The following MTBP variants were observed in gnomAD, a reference collection of about 807,000 sequenced individuals.
The protein encoded by MTBP is mdm2-binding protein.
In MTBP, 101 loss-of-function variants were observed where a neutral mutation model predicts 117.0. The observed-to-expected ratio is 0.86, with a 90% CI of 0.73 to 1.02. The LOEUF is 1.02. MTBP is among the 50% of genes least tolerant of loss of function. The pLI is 0.00. For synonymous variants in MTBP, 350 were observed against 351.5 expected (o/e 1.00, Z 0.05); for missense variants, 970 against 1,030.9 (o/e 0.94, Z 0.81).
At chr8:120,520,985 T>C (rs1048862506) in intron 20 of MTBP, among the ~76,000 whole-genome samples, 5 of 151,936 alleles carry the variant, frequency 3.3e-5, no homozygotes, top group African/African-American at 9.7e-5. Flanking sequence ...AGGGACTAAA[T>C]CAAGAAACAA....
rs1055471694 is a variant in MTBP, at chr8:120,497,395, A to G, written c.1450A>G (p.Arg484Gly). The G allele has an allele frequency of 1.2e-6, 2 of 1,603,110 alleles. No homozygotes were observed. Among genetic ancestry groups the G allele is most frequent in the African/African-American group, 1.3e-5 (1 of 74,404 alleles). Residue 484 changes from arginine to glycine, a missense_variant and splice_region_variant, in exon 14 of 22, where the codon AGA becomes GGA. Coordinates refer to ENST00000305949, the MANE Select transcript of MTBP (RefSeq NM_022045.5). ...QVLALEECLK[R>G]RKLAKQPETV... Reference sequence around the variant, plus strand: ...AATTGTATTGATTTGTCTTATAGAAAGACGAAAGTTGGCAAAGCAGCCTGA... The same window carrying G: ...AATTGTATTGATTTGTCTTATAGAAGGACGAAAGTTGGCAAAGCAGCCTGA...
intron 11 of MTBP, among the ~76,000 whole-genome samples, chr8:120,478,816 A>G (rs535638316): frequency 6.6e-6 from 1 of 152,312 alleles, no homozygotes; most frequent in African/African-American, 2.4e-5. Flanking sequence ...CAGGAATACT[A>G]TGCAGCCATA....
rs920169255 is a variant in MTBP, at chr8:120,509,940, G to A, written c.1890G>A (p.Lys630=). 1 of 1,607,640 alleles carries A rather than the reference G, an allele frequency of 6.2e-7. No individual in the cohort carries two copies. Among genetic ancestry groups the A allele is most frequent in the Non-Finnish European group, 8.5e-7 (1 of 1,177,472 alleles). ...LQPLPIQKGE[K]TFVLTPELSP... The stretch of plus-strand genomic sequence containing the variant: ...GAAAAATTTTTTGTTTCAGGGAAAA[G>A]ACTTTTGTTTTGACACCAGAACTTA... The change falls in exon 17 of 22, where the codon AAG becomes AAA. Residue 630 remains lysine (K), a synonymous_variant. Transcript: ENST00000305949.
chr8:120,511,714 TAA>T (rs1443960653), intron 17 of MTBP, among the ~76,000 whole-genome samples: 2 of 152,202 alleles, frequency 1.3e-5, no homozygotes, highest in Non-Finnish European at 2.9e-5. Context: ...CTGATTTTAT[TAA>T]AGACTTAGAA....
intron 20 of MTBP, 72 bp downstream of exon 20, chr8:120,518,889 T>C: frequency 1.9e-6 from 2 of 1,055,188 alleles, no homozygotes; most frequent in Non-Finnish European, 2.8e-6. Flanking sequence ...TAAAAAAAAG[T>C]TTGAGTATTT....
At chr8:120,457,397 A>G (rs1331714654) in intron 7 of MTBP, among the ~76,000 whole-genome samples, 2 of 152,212 alleles carry the variant, frequency 1.3e-5, no homozygotes, top group Non-Finnish European at 2.9e-5. Context: ...TTAGGGTAGC[A>G]TGGGAGCATG....
At chr8:120,484,939 A>C (rs1194219271) in intron 11 of MTBP, among the ~76,000 whole-genome samples, 1 of 152,186 alleles carries the variant, frequency 6.6e-6, no homozygotes, top group African/African-American at 2.4e-5. Flanking sequence ...TCTTGGACTT[A>C]GTATAATGTT....
intron 4 of MTBP, chr8:120,451,998 T>C (rs1813367796): frequency 6.6e-6 from 1 of 152,260 alleles, no homozygotes; most frequent in South Asian, 2.1e-4. Flanking sequence ...ACTTCTTTAA[T>C]TTATGTGTAT....
intron 14 of MTBP, 98 bp from the exon 15 acceptor site, chr8:120,502,394 C>T: frequency 1.4e-6 from 1 of 713,142 alleles, no homozygotes; most frequent in Admixed American, 2.9e-5. Flanking sequence ...GACACACATA[C>T]ACACACACGT....
chr8:120,522,613 T>G (rs1815023755), intron 20 of MTBP, 41 bp from the exon 21 acceptor site: 4 of 1,288,360 alleles, frequency 3.1e-6, no homozygotes, highest in Non-Finnish European at 3.3e-6. Context: ...CTTTGTAATT[T>G]AATGTGCAGA....
intron 10 of MTBP, among the ~76,000 whole-genome samples, chr8:120,468,596 C>A (rs995493135): frequency 1.3e-5 from 2 of 152,122 alleles, no homozygotes; most frequent in African/African-American, 2.4e-5. Flanking sequence ...AACTTTGTAG[C>A]CCAGTTCATT....
intron 14 of MTBP, among the ~76,000 whole-genome samples, chr8:120,501,252 C>T (rs1814580855): frequency 6.7e-6 from 1 of 148,966 alleles, no homozygotes; most frequent in Non-Finnish European, 1.5e-5. Flanking sequence ...GTCCCAGCTA[C>T]TCGGGAGGCT....
At chr8:120,482,146 A>G (rs565678324) in intron 11 of MTBP, among the ~76,000 whole-genome samples, 70 of 152,274 alleles carry the variant, frequency 4.6e-4, no homozygotes, top group African/African-American at 1.7e-3. Flanking sequence ...TTGTTAGAGC[A>G]TCCTTGGTGG....
Position 120,517,988 on chromosome 8 carries a change from C to G in MTBP, c.2384C>G (p.Pro795Arg). The G allele has an allele frequency of 6.2e-7, 1 of 1,612,870 alleles. No homozygotes were observed. Among genetic ancestry groups the G allele is most frequent in the Non-Finnish European group, 8.5e-7 (1 of 1,179,160 alleles). Residue 795 changes from proline to arginine, a missense_variant, in exon 19 of 22, where the codon CCT becomes CGT. Pro to Arg is a moderately radical substitution (Grantham distance 103). Transcript: ENST00000305949. ...LPVTCPLVPI[P>R]SCETPKLATK... ...GTGACTTGTCCATTGGTTCCAATTC[C>G]TAGCTGTGAAACTCCAAAACTTGCT...
Position 120,523,438 on chromosome 8 carries a change from C to A in MTBP, c.*102C>A. 1.5e-6 allele frequency: 1 copy of A among 659,844 alleles called. No individual in the cohort carries two copies. Among genetic ancestry groups the A allele is most frequent in the South Asian group, 2.7e-5 (1 of 37,654 alleles). The allele number at this position is 659,844 out of a possible 1,614,324, so 40.9% of individuals were successfully genotyped here. A position where few individuals can be genotyped will look rare whatever the true frequency, so the allele number is the denominator to read the frequency against. ...TTATAAACAAATTTTAAGCTTTATT[C>A]AAAGAATAGATGTTATATTTCTAAA... On this transcript the variant is annotated 3_prime_UTR_variant, in exon 22 of 22. Coordinates refer to ENST00000305949, the MANE Select transcript of MTBP (RefSeq NM_022045.5).
chr8:120,451,095 T>A lies in MTBP; in HGVS notation c.273+19T>A, dbSNP rs1813330409. The A allele has an allele frequency of 1.3e-6, 2 of 1,591,510 alleles. No individual in the cohort carries two copies. The highest frequency in any genetic ancestry group is 1.7e-6 in the Non-Finnish European group (2 of 1,164,074). Reference sequence around the variant, plus strand: ...TTATCAGGTAATATAAATTTAAAGATAGCTACTAATGAATGTCTTTACTAA... The same window carrying A: ...TTATCAGGTAATATAAATTTAAAGAAAGCTACTAATGAATGTCTTTACTAA... On this transcript the variant is annotated intron_variant, in intron 3 of 21. Coordinates refer to ENST00000305949, the MANE Select transcript of MTBP (RefSeq NM_022045.5).
rs185415367 is a variant in MTBP, at chr8:120,492,325, G to C, written c.1447+1755G>C. Among the ~76,000 whole-genome samples the C allele has an allele frequency of 3.9e-3, 588 of 152,290 alleles. 3 individuals carry two copies. The highest frequency in any genetic ancestry group is 0.014 in the African/African-American group (562 of 41,582). On this transcript the variant is annotated intron_variant, in intron 13 of 21. Coordinates refer to ENST00000305949, the MANE Select transcript of MTBP (RefSeq NM_022045.5). Reference sequence around the variant, plus strand: ...GCCTGTGTCTCAAAAGGCATTTGCAGAGGCATTTGCAGAGGCAAACGACAG... The same window carrying C: ...GCCTGTGTCTCAAAAGGCATTTGCACAGGCATTTGCAGAGGCAAACGACAG...
chr8:120,488,028 G>A, intron 11 of MTBP, 131 bp from the exon 12 acceptor site: 1 of 586,732 alleles, frequency 1.7e-6, no homozygotes, highest in Non-Finnish European at 2.7e-6. Flanking sequence ...ACAACTACTA[G>A]CCCTGAATGT....
rs540540545 is a variant in MTBP, at chr8:120,451,692, A to G, written c.425+370A>G. On this transcript the variant is annotated intron_variant, in intron 4 of 21. Transcript: ENST00000305949. ...AGACCTGGGCTCAAGCGATCCTCCGACCTCAGCTTCCAGAGTAGCTGGAAC... is the reference window on the plus strand; with the variant it reads ...AGACCTGGGCTCAAGCGATCCTCCGGCCTCAGCTTCCAGAGTAGCTGGAAC... 1.8e-5 allele frequency: 3 copies of G among 167,232 alleles called. No homozygotes were observed. In the South Asian group the frequency reaches 4.6e-4, roughly 25 times the overall value. 10.4% of individuals were successfully genotyped at this position (167,232 alleles called of 1,614,324 possible).
Sources: gnomAD v4.1 joint callset for allele counts (sites outside exome capture counted in the v4.1 genomes callset) on GRCh38, gnomAD v4.1.1 for gene constraint, MANE v1.5 for transcripts, NCBI Gene and HGNC (gene_info 2026-07-23, HGNC 2026-07-21) for gene names.